PTGER3: variants seen among roughly 807,000 people sequenced by gnomAD.
PTGER3 encodes the protein prostaglandin E receptor 3.
PTGER3 carries 22 observed loss-of-function variants against 34.7 expected under a neutral mutation model. That is an observed-to-expected ratio of 0.63 (90% CI 0.45 to 0.91). The LOEUF is 0.91. Ranked by LOEUF, PTGER3 falls within the 40% of genes least tolerant of loss-of-function variation. PTGER3 has a pLI of 0.00. For synonymous variants in PTGER3, 241 were observed against 230.1 expected, an observed-to-expected ratio of 1.05 and a Z score of -0.43; for missense variants, 468 against 519.4, an observed-to-expected ratio of 0.90 and a Z score of 0.96.
At chr1:71,035,205 T>C (rs1224566307) in intron 1 of PTGER3, among the ~76,000 whole-genome samples, 2 of 152,240 alleles carry the variant, frequency 1.3e-5, no homozygotes, top group Non-Finnish European at 2.9e-5. Flanking sequence ...TCTCTTATTT[T>C]ACAAATATAG....
chr1:70,880,494 A>T (rs1646366494), intron 4 of PTGER3, among the ~76,000 whole-genome samples: 1 of 151,518 alleles, frequency 6.6e-6, no homozygotes, highest in African/African-American at 2.4e-5. Context: ...GTTCGAGACC[A>T]GCCTGGCCAA....
intron 4 of PTGER3, among the ~76,000 whole-genome samples, chr1:70,914,273 G>C (rs1647126018): frequency 6.6e-6 from 1 of 151,730 alleles, no homozygotes; most frequent in Non-Finnish European, 1.5e-5. Context: ...TTGTGCCTCT[G>C]TTACCTATAA....
intron 2 of PTGER3, chr1:71,008,387 T>A (rs1000034830): frequency 5.1e-5 from 44 of 869,574 alleles, no homozygotes; most frequent in Admixed American, 1.9e-4. Flanking sequence ...TAATGGTATA[T>A]GACTAAACTT....
chr1:71,018,329 T>A (rs1473101280), intron 1 of PTGER3, among the ~76,000 whole-genome samples: 6 of 152,232 alleles, frequency 3.9e-5, no homozygotes, highest in Admixed American at 3.9e-4. Flanking sequence ...TTCTAACTCC[T>A]GTCCCAATTA....
intron 4 of PTGER3, among the ~76,000 whole-genome samples, chr1:70,884,861 T>C (rs1299566970): frequency 6.6e-6 from 1 of 152,170 alleles, no homozygotes; most frequent in Non-Finnish European, 1.5e-5. Context: ...CTGGCTGAGA[T>C]ATTTAGGTGT....
At chr1:71,002,676 G>A (rs896848439) in intron 2 of PTGER3, among the ~76,000 whole-genome samples, 2 of 152,130 alleles carry the variant, frequency 1.3e-5, no homozygotes, top group African/African-American at 4.8e-5. Flanking sequence ...CAACATTTAA[G>A]GCAGTGATTA....
chr1:70,876,156 T>C (rs934151275), intron 4 of PTGER3, among the ~76,000 whole-genome samples: 2 of 152,128 alleles, frequency 1.3e-5, no homozygotes, highest in South Asian at 2.1e-4. Context: ...TGGTATTTCA[T>C]TGTGGTCTTG....
Position 71,047,764 on chromosome 1 carries a change from T to A in PTGER3, c.-187A>T. 1 of 505,418 alleles carries A rather than the reference T, an allele frequency of 2.0e-6. No homozygotes were observed. Among genetic ancestry groups the A allele is most frequent in the Non-Finnish European group, 3.0e-6 (1 of 331,724 alleles). The allele number at this position is 505,418 out of a possible 1,614,324, so 31.3% of individuals were successfully genotyped here. A position where few individuals can be genotyped will look rare whatever the true frequency, so the allele number is the denominator to read the frequency against. Reference sequence around the variant, plus strand: ...CGGCCGCGGCGGCGCCAGGGCTCACTGGCCCGGGAGGGAGCCACGCCTTCC... The same window carrying A: ...CGGCCGCGGCGGCGCCAGGGCTCACAGGCCCGGGAGGGAGCCACGCCTTCC... On this transcript the variant is annotated 5_prime_UTR_variant, in exon 1 of 4. Coordinates refer to ENST00000306666, the MANE Select transcript of PTGER3 (RefSeq NM_198719.2).
At chr1:71,030,006 C>A (rs1659273584) in intron 1 of PTGER3, among the ~76,000 whole-genome samples, 2 of 151,298 alleles carry the variant, frequency 1.3e-5, no homozygotes, top group South Asian at 4.2e-4. Context: ...TCAGAGAAAC[C>A]CCTGTCTGCC....
downstream of PTGER3, among the ~76,000 whole-genome samples, chr1:70,968,949 G>A (rs1419077091): frequency 6.6e-6 from 1 of 152,078 alleles, no homozygotes; most frequent in Non-Finnish European, 1.5e-5. Context: ...GCTCACACCT[G>A]TAATCCCAGC....
chr1:71,011,815 A>G (rs1391430369), intron 2 of PTGER3: 8 of 996,670 alleles, frequency 8.0e-6, no homozygotes, highest in African/African-American at 1.7e-5. Flanking sequence ...AGAACACAGC[A>G]ATGTCTTTGA....
At chr1:71,002,799 A>G (rs1656609061) in intron 2 of PTGER3, among the ~76,000 whole-genome samples, 1 of 152,230 alleles carries the variant, frequency 6.6e-6, no homozygotes, top group Non-Finnish European at 1.5e-5. Flanking sequence ...TGGTCAAGAA[A>G]TGTTGAAACT....
chr1:70,954,863 T>C (rs1023405047), intron 2 of PTGER3, among the ~76,000 whole-genome samples: 23 of 152,070 alleles, frequency 1.5e-4, no homozygotes, highest in African/African-American at 5.5e-4. Context: ...AAACTACAAA[T>C]ATACTACTGA....
At chr1:70,880,606 T>G (rs1277756034) in intron 4 of PTGER3, among the ~76,000 whole-genome samples, 1 of 151,376 alleles carries the variant, frequency 6.6e-6, no homozygotes, top group East Asian at 1.9e-4. Flanking sequence ...AGGAGAATCT[T>G]TTGAACCCAG....
In PTGER3 at chr1:70,953,164, A is replaced by T. The variant is rs1456295897; in HGVS notation, c.1105-105T>A. ...GTGATACAGTATAATCACTATTTAT[A>T]CAACATTTACATTGTATTAGGCATT... On this transcript the variant is annotated intron_variant, in intron 3 of 3. Coordinates refer to the PTGER3 transcript ENST00000356595. 4 of 979,588 alleles carry T rather than the reference A, an allele frequency of 4.1e-6. No homozygotes were observed. In the African/African-American group the frequency reaches 6.6e-5, roughly 16 times the overall value. The allele number at this position is 979,588 out of a possible 1,614,324, so 60.7% of individuals were successfully genotyped here.
At chr1:70,873,100 A>C (rs1409894908) in intron 4 of PTGER3, among the ~76,000 whole-genome samples, 1 of 151,346 alleles carries the variant, frequency 6.6e-6, no homozygotes, top group Admixed American at 6.6e-5. Flanking sequence ...TAATATGACA[A>C]AAAAAAAATC....
At chr1:71,020,877 C>T (rs1249549101) in intron 1 of PTGER3, among the ~76,000 whole-genome samples, 2 of 152,012 alleles carry the variant, frequency 1.3e-5, no homozygotes, top group Admixed American at 6.6e-5. Context: ...TAACTTCTTC[C>T]TTCTCTAAAA....
downstream of PTGER3, among the ~76,000 whole-genome samples, chr1:70,968,086 C>G (rs1024923350): frequency 3.9e-5 from 6 of 152,084 alleles, no homozygotes; most frequent in Admixed American, 3.3e-4. Flanking sequence ...AACAGCACAG[C>G]TGAGTTTTTT....
intron 4 of PTGER3, among the ~76,000 whole-genome samples, chr1:70,933,068 C>T (rs1648872413): frequency 6.6e-6 from 1 of 152,056 alleles, no homozygotes. Flanking sequence ...ATACCTGTCT[C>T]TTCTATAACT....
Sources: gnomAD v4.1 joint callset for allele counts (sites outside exome capture counted in the v4.1 genomes callset) on GRCh38, gnomAD v4.1.1 for gene constraint, MANE v1.5 for transcripts, NCBI Gene and HGNC (gene_info 2026-07-23, HGNC 2026-07-21) for gene names.